The following CLDN10 variants were observed in gnomAD, a reference collection of about 807,000 sequenced individuals.
CLDN10 encodes the protein claudin 10.
In CLDN10, 15 loss-of-function variants were observed where a neutral mutation model predicts 22.9. The observed-to-expected ratio is 0.65, with a 90% CI of 0.44 to 1.01. CLDN10 has a LOEUF of 1.01. CLDN10 is among the 50% of genes least tolerant of loss of function. The pLI is 0.00. For missense variants in CLDN10, 247 were observed against 287.8 expected, an observed-to-expected ratio of 0.86 and a Z score of 1.03; for synonymous variants, 114 against 111.4, an observed-to-expected ratio of 1.02 and a Z score of -0.15.
intron 3 of CLDN10, among the ~76,000 whole-genome samples, chr13:95,568,444 A>G (rs1457190827): frequency 1.3e-5 from 2 of 152,114 alleles, no homozygotes; most frequent in Non-Finnish European, 2.9e-5. Flanking sequence ...AGTGCATGAC[A>G]TCATGATTTC....
chr13:95,564,195 G>A (rs752876621), intron 3 of CLDN10, among the ~76,000 whole-genome samples: 3 of 152,166 alleles, frequency 2.0e-5, no homozygotes, highest in Non-Finnish European at 2.9e-5. Flanking sequence ...GTCAGAAAAC[G>A]TCTATGCAAC....
intron 1 of CLDN10, among the ~76,000 whole-genome samples, chr13:95,524,387 G>A (rs1426080254): frequency 6.6e-6 from 1 of 152,104 alleles, no homozygotes; most frequent in Non-Finnish European, 1.5e-5. Context: ...ACTATGTTGT[G>A]CAACCAACAT....
intron 3 of CLDN10, among the ~76,000 whole-genome samples, chr13:95,566,881 C>A (rs1236923496): frequency 1.3e-5 from 2 of 152,252 alleles, no homozygotes; most frequent in South Asian, 2.1e-4. Flanking sequence ...ATAGGGAATT[C>A]ATTCCCCATT....
At chr13:95,573,250 C>T (rs112534246) in intron 3 of CLDN10, among the ~76,000 whole-genome samples, 7 of 152,308 alleles carry the variant, frequency 4.6e-5, no homozygotes, top group Admixed American at 2.6e-4. Context: ...AAGTTATACG[C>T]GCAGCTTTTG....
At chr13:95,536,903 C>T (rs2043406309) in intron 1 of CLDN10, among the ~76,000 whole-genome samples, 1 of 152,160 alleles carries the variant, frequency 6.6e-6, no homozygotes, top group Non-Finnish European at 1.5e-5. Context: ...GTCTTTGCTG[C>T]TAGTGGTATT....
chr13:95,555,048 T>TTTTG (rs1555299135), intron 1 of CLDN10, among the ~76,000 whole-genome samples: 2 of 35,252 alleles, frequency 5.7e-5, no homozygotes, highest in South Asian at 1.1e-3. Flanking sequence ...GTTAATCCAG[T>TTTTG]TTTTTTTTTT....
intron 1 of CLDN10, among the ~76,000 whole-genome samples, chr13:95,438,325 A>G (rs1185846593): frequency 6.6e-6 from 1 of 152,218 alleles, no homozygotes; most frequent in East Asian, 1.9e-4. Flanking sequence ...GGGTGGTCTC[A>G]AACTCCTGGG....
chr13:95,486,802 C>T (rs1463276345), intron 1 of CLDN10, among the ~76,000 whole-genome samples: 2 of 152,176 alleles, frequency 1.3e-5, no homozygotes, highest in Non-Finnish European at 1.5e-5. Context: ...CACCTGGCCA[C>T]GTTGTGAGCT....
At chr13:95,547,510 T>C (rs779371283) in intron 1 of CLDN10, among the ~76,000 whole-genome samples, 7 of 152,180 alleles carry the variant, frequency 4.6e-5, no homozygotes, top group Admixed American at 6.5e-5. Flanking sequence ...CTGAATAATA[T>C]TCATTATTTA....
At chr13:95,570,853 C>CGTGT (rs1555301072) in intron 3 of CLDN10, among the ~76,000 whole-genome samples, 8 of 104,256 alleles carry the variant, frequency 7.7e-5, no homozygotes, top group South Asian at 5.4e-4. Context: ...CACACATATA[C>CGTGT]GTGTGTATAT....
intron 1 of CLDN10, among the ~76,000 whole-genome samples, chr13:95,437,822 A>G: frequency 6.6e-6 from 1 of 152,116 alleles, no homozygotes; most frequent in Non-Finnish European, 1.5e-5. Context: ...CTCCTTTATG[A>G]CTTGCTGTGA....
intron 1 of CLDN10, among the ~76,000 whole-genome samples, chr13:95,543,218 C>T (rs746860424): frequency 8.6e-5 from 13 of 150,356 alleles, no homozygotes; most frequent in Non-Finnish European, 1.3e-4. Context: ...GGCGACAGAG[C>T]GAGACTCTGT....
chr13:95,447,933 C>T (rs150613782), intron 1 of CLDN10, among the ~76,000 whole-genome samples: 88 of 152,250 alleles, frequency 5.8e-4, no homozygotes, highest in African/African-American at 9.1e-4. Flanking sequence ...AGCTGCCCTG[C>T]GGGGGTGCAG....
intron 1 of CLDN10, among the ~76,000 whole-genome samples, chr13:95,554,423 T>C (rs1410130857): frequency 1.3e-5 from 2 of 152,194 alleles, no homozygotes; most frequent in East Asian, 3.8e-4. Context: ...GAATGCTCTA[T>C]GAATATTATT....
intron 1 of CLDN10, among the ~76,000 whole-genome samples, chr13:95,522,840 A>G (rs9556485): frequency 0.39 from 59,331 of 151,804 alleles, 11,842 homozygotes; most frequent in African/African-American, 0.45. Flanking sequence ...TTTTTGCCCT[A>G]AGTAGTTTGT....
rs144818972 is a variant in CLDN10, at chr13:95,484,688, C to CA, written c.214+50659dup. On this transcript the variant is annotated intron_variant, in intron 1 of 4. Transcript: ENST00000376873. ...CGAAACCCCGTCTCTACTAAAAATA[C>CA]AAAAAAAAAAAAAAAAAACCCACAA... Among the ~76,000 whole-genome samples the CA allele has an allele frequency of 4.5e-3, 559 of 124,486 alleles. 2 individuals carry two copies. The highest frequency in any genetic ancestry group is 6.6e-3 in the Non-Finnish European group (381 of 57,342). The allele number at this position is 124,486 out of a possible 152,430, so 81.7% of individuals were successfully genotyped here.
chr13:95,452,947 A>C (rs1410384119), intron 1 of CLDN10, among the ~76,000 whole-genome samples: 1 of 152,202 alleles, frequency 6.6e-6, no homozygotes, highest in African/African-American at 2.4e-5. Context: ...CAACTCAAAC[A>C]TTGCAAATAT....
chr13:95,436,546 G>A (rs971165098), intron 1 of CLDN10, among the ~76,000 whole-genome samples: 1 of 152,068 alleles, frequency 6.6e-6, no homozygotes, highest in Admixed American at 6.5e-5. Context: ...TCTATCTCCT[G>A]TATACCCTGC....
intron 3 of CLDN10, among the ~76,000 whole-genome samples, chr13:95,569,632 G>A (rs754961583): frequency 1.8e-4 from 28 of 152,076 alleles, no homozygotes; most frequent in Non-Finnish European, 3.1e-4. Context: ...TAAGGCTTGT[G>A]TAATTTAAAA....
Sources: gnomAD v4.1 joint callset for allele counts (sites outside exome capture counted in the v4.1 genomes callset) on GRCh38, gnomAD v4.1.1 for gene constraint, MANE v1.5 for transcripts, NCBI Gene and HGNC (gene_info 2026-07-23, HGNC 2026-07-21) for gene names.